Variants in SLC44A1 observed in about 807,000 individuals in gnomAD.
The protein encoded by SLC44A1 is solute carrier family 44 member 1, also known as choline transporter-like protein 1.
Under a neutral mutation model 79.3 loss-of-function variants are expected in SLC44A1, and 26 were observed. That is an observed-to-expected ratio of 0.33 (90% confidence interval 0.24 to 0.46). The LOEUF is 0.46. Ranked by LOEUF, SLC44A1 falls within the 20% of genes least tolerant of loss-of-function variation. The probability of loss-of-function intolerance (pLI) is 1.00; values close to 1 mark genes in which losing one functional copy is unlikely to be tolerated. For synonymous variants in SLC44A1, 263 were observed against 286.2 expected, an observed-to-expected ratio of 0.92 and a Z score of 0.82; for missense variants, 688 against 798.1, an observed-to-expected ratio of 0.86 and a Z score of 1.66.
chr9:105,336,134 ATGTGTGTGTGTG>A (rs35324360), intron 4 of SLC44A1, among the ~76,000 whole-genome samples: 6 of 144,986 alleles, frequency 4.1e-5, no homozygotes, highest in Admixed American at 2.1e-4. Context: ...GTGTGTGTGC[ATGTGTGTGTGTG>A]TGTGTGTGTG....
chr9:105,425,805 A>G (rs979167807), intron 15 of SLC44A1, among the ~76,000 whole-genome samples: 1 of 152,196 alleles, frequency 6.6e-6, no homozygotes, highest in African/African-American at 2.4e-5. Flanking sequence ...CCTGGGCGGC[A>G]GAGCAAGACT....
chr9:105,354,445 C>T (rs564059201), intron 5 of SLC44A1, among the ~76,000 whole-genome samples: 6 of 152,284 alleles, frequency 3.9e-5, no homozygotes, highest in African/African-American at 1.4e-4. Context: ...ATTAGTGAAG[C>T]ACTTTTTGGT....
chr9:105,268,850 A>G lies in SLC44A1; in HGVS notation c.36+23946A>G, dbSNP rs1359392646. On this transcript the variant is annotated intron_variant, in intron 1 of 15. Coordinates refer to ENST00000374720, the MANE Select transcript of SLC44A1 (RefSeq NM_080546.5). Reference sequence around the variant, plus strand: ...AAAAGCAACTCACTAAAGTAGATATAGGTAGTCCTTTCTTCTGGATTCTTA... The same window carrying G: ...AAAAGCAACTCACTAAAGTAGATATGGGTAGTCCTTTCTTCTGGATTCTTA... 3.9e-5 allele frequency among the ~76,000 whole-genome samples: 6 copies of G among 152,338 alleles called. No homozygotes were observed. The East Asian group carries it at 1.2e-3, about 29-fold the overall frequency.
At chr9:105,285,736 A>G (rs1181061484) in intron 1 of SLC44A1, among the ~76,000 whole-genome samples, 1 of 152,194 alleles carries the variant, frequency 6.6e-6, no homozygotes, top group Non-Finnish European at 1.5e-5. Flanking sequence ...ATTACAGAGT[A>G]CATTGATCAG....
chr9:105,387,060 A>AAAAATATATATATATATATATATAT (rs34780893), intron 15 of SLC44A1, among the ~76,000 whole-genome samples: 4 of 7,730 alleles, frequency 5.2e-4, no homozygotes, highest in Non-Finnish European at 9.4e-4. Context: ...AAAAAAAAAA[A>AAAAATATATATATATATATATATAT]ATATATATAT....
In SLC44A1 at chr9:105,366,328, C is replaced by G; in HGVS notation, c.1411-18C>G. 1 of 1,379,132 alleles carries G rather than the reference C, an allele frequency of 7.3e-7. No homozygotes were observed. Among genetic ancestry groups the G allele is most frequent in the Non-Finnish European group, 9.7e-7 (1 of 1,034,508 alleles). 85.4% of individuals were successfully genotyped at this position (1,379,132 alleles called of 1,614,324 possible). A position where few individuals can be genotyped will look rare whatever the true frequency, so the allele number is the denominator to read the frequency against. ...GATTCTTTGGTTTTTTTATTATTTCCATTTTTCCCCCATCCAGGAAAATGC... is the reference window on the plus strand; with the variant it reads ...GATTCTTTGGTTTTTTTATTATTTCGATTTTTCCCCCATCCAGGAAAATGC... On this transcript the variant is annotated intron_variant, in intron 11 of 15. Coordinates refer to ENST00000374720, the MANE Select transcript of SLC44A1 (RefSeq NM_080546.5).
intron 5 of SLC44A1, among the ~76,000 whole-genome samples, chr9:105,350,466 G>A (rs1349176958): frequency 6.6e-6 from 1 of 152,000 alleles, no homozygotes; most frequent in Non-Finnish European, 1.5e-5. Context: ...AGTCTAGTAG[G>A]GACTATGTTT....
At chr9:105,282,703 C>T (rs887206720) in intron 1 of SLC44A1, among the ~76,000 whole-genome samples, 3 of 152,086 alleles carry the variant, frequency 2.0e-5, no homozygotes, top group Admixed American at 6.5e-5. Flanking sequence ...CGTGCGCCAC[C>T]ATGCCCGGCT....
chr9:105,255,795 A>G (rs1332296597), intron 1 of SLC44A1, among the ~76,000 whole-genome samples: 1 of 152,198 alleles, frequency 6.6e-6, no homozygotes, highest in African/African-American at 2.4e-5. Context: ...TTTGGACCAC[A>G]TTCTTTAACC....
At chr9:105,290,071 C>T (rs1397191297) in intron 1 of SLC44A1, among the ~76,000 whole-genome samples, 1 of 152,116 alleles carries the variant, frequency 6.6e-6, no homozygotes, top group Non-Finnish European at 1.5e-5. Flanking sequence ...CCTCCTTGGC[C>T]TCCTAAAGTG....
Position 105,396,565 on chromosome 9 carries a change from A to G in SLC44A1, c.*7509A>G. The stretch of plus-strand genomic sequence containing the variant: ...GGGACCTGCTATTGATCTCTCAGGC[A>G]CTGAGTCTTCACATCCAGTGTCAAG... On this transcript the variant is annotated 3_prime_UTR_variant, in exon 16 of 16. Coordinates refer to ENST00000374720, the MANE Select transcript of SLC44A1 (RefSeq NM_080546.5). 1 of 985,412 alleles carries G rather than the reference A, an allele frequency of 1.0e-6. No homozygotes were observed. The allele number at this position is 985,412 out of a possible 1,614,324, so 61.0% of individuals were successfully genotyped here.
At chr9:105,340,306 T>G (rs964939153) in intron 4 of SLC44A1, among the ~76,000 whole-genome samples, 4 of 152,180 alleles carry the variant, frequency 2.6e-5, no homozygotes, top group African/African-American at 9.7e-5. Flanking sequence ...GGACAAATAC[T>G]GTATGATTCC....
intron 4 of SLC44A1, among the ~76,000 whole-genome samples, chr9:105,345,935 T>G (rs1827233880): frequency 6.6e-6 from 1 of 151,842 alleles, no homozygotes; most frequent in Non-Finnish European, 1.5e-5. Flanking sequence ...GAAGGAAAAC[T>G]TTGTCTTACT....
chr9:105,269,102 G>A (rs1019559422), intron 1 of SLC44A1, among the ~76,000 whole-genome samples: 2 of 152,018 alleles, frequency 1.3e-5, no homozygotes, highest in Admixed American at 6.6e-5. Flanking sequence ...TCCAGTGTAT[G>A]TGCTCTTCCT....
intron 15 of SLC44A1, among the ~76,000 whole-genome samples, chr9:105,434,648 C>G (rs771064217): frequency 5.9e-5 from 9 of 152,140 alleles, no homozygotes; most frequent in Non-Finnish European, 1.3e-4. Context: ...CCCAAGGGAT[C>G]TGACACAAAC....
intron 1 of SLC44A1, among the ~76,000 whole-genome samples, chr9:105,283,292 G>T (rs1191129795): frequency 1.3e-5 from 2 of 152,314 alleles, no homozygotes; most frequent in African/African-American, 4.8e-5. Flanking sequence ...AATGCTAGGA[G>T]AAGTTCTCTG....
chr9:105,427,612 T>G (rs1271416803), intron 15 of SLC44A1, among the ~76,000 whole-genome samples: 2 of 152,160 alleles, frequency 1.3e-5, no homozygotes, highest in African/African-American at 4.8e-5. Context: ...TATATTCCCT[T>G]TTATTAAACT....
intron 15 of SLC44A1, among the ~76,000 whole-genome samples, chr9:105,412,093 G>C (rs1254540612): frequency 2.0e-5 from 3 of 151,856 alleles, no homozygotes; most frequent in African/African-American, 7.3e-5. Flanking sequence ...ATATTTATTA[G>C]CTGGTGTTCT....
chr9:105,328,537 G>A (rs1000097252), intron 3 of SLC44A1, among the ~76,000 whole-genome samples: 7 of 152,160 alleles, frequency 4.6e-5, no homozygotes, highest in African/African-American at 1.2e-4. Context: ...GAGACCAGGC[G>A]AAGGTGAGGT....
Sources: gnomAD v4.1 joint callset for allele counts (sites outside exome capture counted in the v4.1 genomes callset) on GRCh38, gnomAD v4.1.1 for gene constraint, MANE v1.5 for transcripts, NCBI Gene and HGNC (gene_info 2026-07-23, HGNC 2026-07-21) for gene names.